ZFPM1: variants seen among roughly 807,000 people sequenced by gnomAD.
The protein encoded by ZFPM1 is zinc finger protein, FOG family member 1, also known as zinc finger protein ZFPM1.
Under a neutral mutation model 46.3 loss-of-function variants are expected in ZFPM1, and 28 were observed. That is an observed-to-expected ratio of 0.60 (90% CI 0.45 to 0.83). ZFPM1 has a LOEUF of 0.83. Ranked by LOEUF, ZFPM1 falls within the 40% of genes least tolerant of loss-of-function variation. The pLI is 0.00. For missense variants in ZFPM1, 1,878 were observed against 1,432.4 expected (o/e 1.31, Z -5.02); for synonymous variants, 957 against 675.9 (o/e 1.42, Z -6.45).
At chr16:88,463,587 G>C (rs1386251373) in intron 1 of ZFPM1, among the ~76,000 whole-genome samples, 1 of 152,286 alleles carries the variant, frequency 6.6e-6, no homozygotes, top group South Asian at 2.1e-4. Context: ...AGGAGGCCCA[G>C]TGTGCAGATG....
Position 88,502,067 on chromosome 16 carries a change from T to TTTA in ZFPM1, c.269-12317_269-12315dup, listed in dbSNP as rs1416511451. On this transcript the variant is annotated intron_variant, in intron 3 of 9. Coordinates refer to ENST00000319555, the MANE Select transcript of ZFPM1 (RefSeq NM_153813.3). ...ACGCGGCTCCACCCGCCCCCCCCCA[T>TTTA]TTATTTATTTATTTATTTATTTATT... Among the ~76,000 whole-genome samples, 165 of 39,432 alleles carry TTTA rather than the reference T, an allele frequency of 4.2e-3. 1 individual carries two copies. The highest frequency in any genetic ancestry group is 0.011 in the African/African-American group (162 of 14,544). 25.9% of individuals were successfully genotyped at this position (39,432 alleles called of 152,430 possible).
chr16:88,477,539 G>A (rs1311286621), intron 1 of ZFPM1, among the ~76,000 whole-genome samples: 2 of 152,152 alleles, frequency 1.3e-5, no homozygotes, highest in Admixed American at 1.3e-4. Context: ...GAGGTAGAAG[G>A]ATTGCTTCAG....
At chr16:88,522,738 G>A (rs2142460510) in intron 4 of ZFPM1, among the ~76,000 whole-genome samples, 1 of 152,298 alleles carries the variant, frequency 6.6e-6, no homozygotes, top group Admixed American at 6.5e-5. Context: ...GAGGGACAGG[G>A]CAACCCCAAG....
At chr16:88,484,745 T>C (rs12597024) in intron 1 of ZFPM1, among the ~76,000 whole-genome samples, 55,459 of 152,014 alleles carry the variant, frequency 0.36, 10,345 homozygotes, top group East Asian at 0.49. Context: ...CTCTGTCCTC[T>C]GTTCACACTG....
At chr16:88,462,327 G>A (rs933079943) in intron 1 of ZFPM1, among the ~76,000 whole-genome samples, 2 of 152,222 alleles carry the variant, frequency 1.3e-5, no homozygotes, top group African/African-American at 2.4e-5. Flanking sequence ...TGAGCCCGGC[G>A]TGCTGAGGGC....
In ZFPM1 at chr16:88,471,915, C is replaced by A. The variant is rs974671899; in HGVS notation, c.41-14024C>A. ...TTATTCCTGAGGGGACCTGCAGGTC[C>A]GCAAGAGCCTTGGGTGGGCCGGGGC... On this transcript the variant is annotated intron_variant, in intron 1 of 9. Transcript: ENST00000319555. The surrounding 1 kb of genome is among the most constrained non-coding windows in gnomAD (Gnocchi z 4.1). Among the ~76,000 whole-genome samples, 1 of 152,218 alleles carries A rather than the reference C, an allele frequency of 6.6e-6. No individual in the cohort carries two copies. The highest frequency in any genetic ancestry group is 2.4e-5 in the African/African-American group (1 of 41,450).
At chr16:88,482,830 G>T (rs543065800) in intron 1 of ZFPM1, among the ~76,000 whole-genome samples, 5 of 152,186 alleles carry the variant, frequency 3.3e-5, no homozygotes, top group Non-Finnish European at 5.9e-5. Context: ...GGGAGGAGCC[G>T]GGCTGAGCTG....
chr16:88,502,202 G>A (rs1379733800), intron 3 of ZFPM1, among the ~76,000 whole-genome samples: 1 of 152,066 alleles, frequency 6.6e-6, no homozygotes, highest in African/African-American at 2.4e-5. Context: ...ATCGGTCCCC[G>A]GAGATGGGAC....
intron 4 of ZFPM1, among the ~76,000 whole-genome samples, chr16:88,523,159 T>A (rs1158899773): frequency 6.8e-6 from 1 of 146,404 alleles, no homozygotes. Flanking sequence ...TGAGCCGAGA[T>A]CATGCCATCG....
At chr16:88,509,825 G>A (rs181963395) in intron 3 of ZFPM1, among the ~76,000 whole-genome samples, 1 of 152,318 alleles carries the variant, frequency 6.6e-6, no homozygotes, top group East Asian at 1.9e-4. Context: ...TGGAGTCTCT[G>A]GGCCTGTGGG....
intron 2 of ZFPM1, among the ~76,000 whole-genome samples, chr16:88,488,155 C>A (rs963783801): frequency 1.3e-5 from 2 of 152,230 alleles, no homozygotes; most frequent in Admixed American, 6.5e-5. Context: ...TAGTGCCGCA[C>A]GCAGGTGCCG....
Position 88,486,023 on chromosome 16 carries a change from C to G in ZFPM1, c.125C>G (p.Ala42Gly). The change falls in exon 2 of 10, where the codon GCC becomes GGC. Residue 42 changes from alanine to glycine, a missense_variant. By Grantham distance (60) the Ala-to-Gly change is moderately conservative (BLOSUM62 0). Coordinates refer to ENST00000319555, the MANE Select transcript of ZFPM1 (RefSeq NM_153813.3). ...GAGCAAAAGGCCACGGCACCTGAAG[C>G]CCCGAGCCCTCCCAGCGCAGGTGAG... ...HMEQKATAPE[A>G]PSPPSADVNS... 6.2e-7 allele frequency: 1 copy of G among 1,612,466 alleles called. No homozygotes were observed. Among genetic ancestry groups the G allele is most frequent in the Non-Finnish European group, 8.5e-7 (1 of 1,179,832 alleles).
chr16:88,501,385 G>A (rs1410500666), intron 3 of ZFPM1, among the ~76,000 whole-genome samples: 3 of 50,646 alleles, frequency 5.9e-5, no homozygotes, highest in African/African-American at 2.3e-4. Context: ...ACATGGGTGC[G>A]GGGCCCTCCC....
chr16:88,505,291 C>A (rs189558501), intron 3 of ZFPM1, among the ~76,000 whole-genome samples: 112 of 152,306 alleles, frequency 7.4e-4, no homozygotes, highest in Non-Finnish European at 1.0e-3. Flanking sequence ...AGCCCAGAGC[C>A]AGCTAGGGCC....
At chr16:88,496,076 C>T (rs1299864566) in intron 3 of ZFPM1, among the ~76,000 whole-genome samples, 2 of 152,164 alleles carry the variant, frequency 1.3e-5, no homozygotes, top group South Asian at 2.1e-4. Context: ...GACACTCCAT[C>T]CCAGAGTCCT....
chr16:88,472,869 T>A (rs1446737964), intron 1 of ZFPM1, among the ~76,000 whole-genome samples: 1 of 152,220 alleles, frequency 6.6e-6, no homozygotes, highest in Non-Finnish European at 1.5e-5. Flanking sequence ...CTCTGTGGGT[T>A]GGAGGCTGAT....
At position 88,469,199 on chromosome 16, in the gene ZFPM1, C is replaced by T. The variant is rs919682860; in HGVS notation, c.40+15521C>T. 3.9e-5 allele frequency among the ~76,000 whole-genome samples: 6 copies of T among 152,232 alleles called. No individual in the cohort carries two copies. The highest frequency in any genetic ancestry group is 9.6e-5 in the African/African-American group (4 of 41,458). The stretch of plus-strand genomic sequence containing the variant: ...GCCCCCCACCGCTCCACCCTCTCCC[C>T]GCGCTGACTTCCATCCGGAACCTCA... On this transcript the variant is annotated intron_variant, in intron 1 of 9. Transcript: ENST00000319555. This position sits in a 1 kb window ranked among gnomAD's most constrained non-coding sequence, Gnocchi z 4.3.
At chr16:88,506,397 C>A (rs1235347040) in intron 3 of ZFPM1, among the ~76,000 whole-genome samples, 1 of 151,964 alleles carries the variant, frequency 6.6e-6, no homozygotes, top group Non-Finnish European at 1.5e-5. Flanking sequence ...TAGGCAGGCC[C>A]CTCCTTTGTT....
chr16:88,533,938 C>T lies in ZFPM1; in HGVS notation c.1980C>T (p.Gly660=), dbSNP rs1185587159. The part of the protein sequence containing the change: ...GAATPEDGAG[G]RGSEGSQSPG... ...CCACGCCCGAGGACGGCGCGGGCGG[C>T]CGGGGCAGCGAGGGCAGCCAGAGCC... Residue 660 remains glycine (G), a synonymous_variant, in exon 10 of 10, where the codon GGC becomes GGT. Transcript: ENST00000319555. The T allele has an allele frequency of 1.1e-5, 14 of 1,264,120 alleles. No homozygotes were observed. In the East Asian group the frequency reaches 4.2e-4, roughly 38 times the overall value. 78.3% of individuals were successfully genotyped at this position (1,264,120 alleles called of 1,614,324 possible).
Sources: gnomAD v4.1 joint callset for allele counts (sites outside exome capture counted in the v4.1 genomes callset) on GRCh38, gnomAD v4.1.1 for gene constraint, Gnocchi (gnomAD v3.1) non-coding constraint, MANE v1.5 for transcripts, NCBI Gene and HGNC (gene_info 2026-07-23, HGNC 2026-07-21) for gene names.